PLCZ1: variants seen among roughly 807,000 people sequenced by gnomAD.
PLCZ1 encodes the protein phospholipase C zeta 1.
A neutral mutation model predicts 76.8 loss-of-function variants in PLCZ1; 64 were observed. That is an observed-to-expected ratio of 0.83 (90% CI 0.68 to 1.03). The LOEUF is 1.03. Among genes scored for constraint, PLCZ1 ranks in the 50% least tolerant of loss-of-function variants. The pLI, the probability that PLCZ1 is intolerant of heterozygous loss-of-function variation, is 0.00. For synonymous variants in PLCZ1, 248 were observed against 230.8 expected (o/e 1.07, Z -0.68); for missense variants, 751 against 713.7 (o/e 1.05, Z -0.60).
the PLCZ1 span, among the ~76,000 whole-genome samples, chr12:18,652,352 T>C: frequency 5.9e-5 from 9 of 151,974 alleles, no homozygotes; most frequent in Admixed American, 1.3e-4. Context: ...TGAAGGTGAA[T>C]ATTAGAGTGA....
At chr12:18,693,280 A>T in intron 12 of PLCZ1, 1 of 1,518,364 alleles carries the variant, frequency 6.6e-7, no homozygotes, top group Non-Finnish European at 9.1e-7. Flanking sequence ...GATGACATGG[A>T]TCCCCTGGTC....
the PLCZ1 span, among the ~76,000 whole-genome samples, chr12:18,650,331 C>CTATATATATATA: frequency 1.3e-4 from 12 of 91,976 alleles, no homozygotes; most frequent in African/African-American, 4.0e-4. Flanking sequence ...CTCTCTCTCT[C>CTATATATATATA]TATATATATA....
rs564704912 is a variant in PLCZ1, at chr12:18,715,755, G to C, written c.570-2769C>G. 2.0e-5 allele frequency: 3 copies of C among 152,274 alleles called. No homozygotes were observed. In the South Asian group the frequency reaches 6.2e-4, roughly 32 times the overall value. 9.4% of individuals were successfully genotyped at this position (152,274 alleles called of 1,614,324 possible). On this transcript the variant is annotated intron_variant, in intron 5 of 14. Transcript: ENST00000266505. ...AGACGCAAGTCATCATCCCACTTCA[G>C]CCTCAAAACTAGCTGGGACTACAGT... is the stretch of plus-strand genomic sequence containing the variant.
At chr12:18,712,720 G>T in intron 6 of PLCZ1, 122 bp downstream of exon 6, 1 of 1,239,314 alleles carries the variant, frequency 8.1e-7, no homozygotes, top group South Asian at 1.3e-5. Flanking sequence ...CCTACTAATG[G>T]ATCATAACCC....
the PLCZ1 span, among the ~76,000 whole-genome samples, chr12:18,669,023 A>T: frequency 1.3e-5 from 2 of 152,158 alleles, no homozygotes; most frequent in Non-Finnish European, 2.9e-5. Flanking sequence ...AGTGCAGAAA[A>T]TAGTAATAAT....
the PLCZ1 span, among the ~76,000 whole-genome samples, chr12:18,660,229 G>A: frequency 0.14 from 20,824 of 152,014 alleles, 1,838 homozygotes; most frequent in African/African-American, 0.25. Flanking sequence ...ATTCTCCTGC[G>A]TATTTCTGGA....
intron 7 of PLCZ1, among the ~76,000 whole-genome samples, chr12:18,701,987 C>G (rs1057061037): frequency 6.6e-6 from 1 of 151,978 alleles, no homozygotes; most frequent in Non-Finnish European, 1.5e-5. Flanking sequence ...AAAAAATAAG[C>G]CTGTTATGAT....
At chr12:18,736,488 A>AT (rs963688198) in intron 2 of PLCZ1, 144 bp from the exon 3 acceptor site, 40 of 1,210,982 alleles carry the variant, frequency 3.3e-5, no homozygotes, top group Non-Finnish European at 4.0e-5. Flanking sequence ...TATGATAAAT[A>AT]TTTTTTAAAA....
At chr12:18,736,736 A>C in intron 2 of PLCZ1, 1 of 1,208,380 alleles carries the variant, frequency 8.3e-7, no homozygotes, top group Non-Finnish European at 1.1e-6. Context: ...AGGTGAGCAA[A>C]TTAACCCTGA....
Position 18,696,279 on chromosome 12 carries a change from A to C in PLCZ1, c.1175-13T>G. The stretch of plus-strand genomic sequence containing the variant: ...ATAAACTCATGGACTGAAAAAGAAT[A>C]ATTAAAACATTGTGAAAGAATTCAA... On this transcript the variant is annotated splice_polypyrimidine_tract_variant and intron_variant, in intron 10 of 14. Transcript: ENST00000266505. The C allele has an allele frequency of 8.0e-7, 1 of 1,256,594 alleles. No individual in the cohort carries two copies. Among genetic ancestry groups the C allele is most frequent in the Non-Finnish European group, 1.1e-6 (1 of 879,370 alleles). 77.8% of individuals were successfully genotyped at this position (1,256,594 alleles called of 1,614,324 possible). A position where few individuals can be genotyped will look rare whatever the true frequency, so the allele number is the denominator to read the frequency against.
the PLCZ1 span, among the ~76,000 whole-genome samples, chr12:18,668,318 C>A: frequency 6.6e-6 from 1 of 151,984 alleles, no homozygotes; most frequent in African/African-American, 2.4e-5. Flanking sequence ...TTTGGAAAGT[C>A]AGAGAAACTA....
the PLCZ1 span, among the ~76,000 whole-genome samples, chr12:18,661,973 T>C: frequency 6.6e-6 from 1 of 152,070 alleles, no homozygotes; most frequent in African/African-American, 2.4e-5. Flanking sequence ...TGCAGAAACA[T>C]GAATGGAGCT....
At chr12:18,653,177 C>G in the PLCZ1 span, among the ~76,000 whole-genome samples, 1 of 152,038 alleles carries the variant, frequency 6.6e-6, no homozygotes, top group Non-Finnish European at 1.5e-5. Context: ...TAGCAGAGAC[C>G]CACTCCCAGC....
intron 9 of PLCZ1, among the ~76,000 whole-genome samples, chr12:18,700,983 G>T (rs1955819213): frequency 3.6e-5 from 1 of 27,592 alleles, no homozygotes; most frequent in African/African-American, 5.3e-5. Context: ...CAATTATAGA[G>T]ATTTTTTTTT....
chr12:18,684,894 G>A (rs1742086505), intron 13 of PLCZ1, among the ~76,000 whole-genome samples: 1 of 151,860 alleles, frequency 6.6e-6, no homozygotes, highest in South Asian at 2.1e-4. Context: ...AGATCTGATG[G>A]TTTTATAAGG....
chr12:18,693,594 T>C (rs1954480228), intron 12 of PLCZ1: 5 of 1,587,272 alleles, frequency 3.2e-6, no homozygotes, highest in Non-Finnish European at 2.6e-6. Flanking sequence ...TTGTTTCGAG[T>C]TGCTGAAGAA....
rs759291194 is a variant in PLCZ1, at chr12:18,701,673, T to A, written c.949+19A>T. 1 of 1,611,750 alleles carries A rather than the reference T, an allele frequency of 6.2e-7. No homozygotes were observed. The highest frequency in any genetic ancestry group is 8.5e-7 in the Non-Finnish European group (1 of 1,178,840). ...CTCCTCTCCATCTGCCACTTCTTCTTCCCATTCCTCCACCTTACCACGCTT... is the reference window on the plus strand; with the variant it reads ...CTCCTCTCCATCTGCCACTTCTTCTACCCATTCCTCCACCTTACCACGCTT... On this transcript the variant is annotated intron_variant, in intron 8 of 14. Coordinates refer to ENST00000266505, the MANE Select transcript of PLCZ1 (RefSeq NM_033123.4).
In PLCZ1 at chr12:18,712,984, G is replaced by A. The variant is rs201726178; in HGVS notation, c.572C>T (p.Ala191Val). ...GPSDLWGYVS[A>V]LVKGCRCLEI... ...CAAACAACGGCATCCTTTCACAAGG[G>A]CACTAGCAAAATTTCAGCAAAATAA... Residue 191 changes from alanine to valine, a missense_variant and splice_region_variant, in exon 6 of 15, where the codon GCC becomes GTC. By Grantham distance (64) the Ala-to-Val change is moderately conservative (BLOSUM62 0). Transcript: ENST00000266505. 121 of 1,613,600 alleles carry A rather than the reference G, an allele frequency of 7.5e-5. No individual in the cohort carries two copies. Among genetic ancestry groups the A allele is most frequent in the Non-Finnish European group, 1.0e-4 (118 of 1,179,814 alleles).
Position 18,712,229 on chromosome 12 carries a change from G to A in PLCZ1, c.714+613C>T, listed in dbSNP as rs147247446. On this transcript the variant is annotated intron_variant, in intron 6 of 14. Coordinates refer to ENST00000266505, the MANE Select transcript of PLCZ1 (RefSeq NM_033123.4). ...TGTCTGAAGGTACAAAATTAGCCAC[G>A]TTTATAAATGAAACCAGTGTTATTT... is the stretch of plus-strand genomic sequence containing the variant. 1.7e-3 allele frequency among the ~76,000 whole-genome samples: 261 copies of A among 152,144 alleles called. 1 individual carries two copies. In the East Asian group the frequency reaches 0.036, roughly 21 times the overall value.
Sources: allele counts gnomAD v4.1 joint callset (sites outside exome capture counted in the v4.1 genomes callset), GRCh38; gene constraint gnomAD v4.1.1; transcripts MANE v1.5; gene names NCBI Gene and HGNC (gene_info 2026-07-23, HGNC 2026-07-21).